The following CD163L1 variants were observed in gnomAD, a reference collection of about 807,000 sequenced individuals.
CD163L1 encodes CD163 molecule like 1, also known as scavenger receptor cysteine-rich type 1 protein M160.
In CD163L1, 124 loss-of-function variants were observed where a neutral mutation model predicts 165.4. That is an observed-to-expected ratio of 0.75 (90% CI 0.65 to 0.87). The LOEUF (loss-of-function observed/expected upper bound fraction) is 0.87, where lower values mean the gene tolerates loss of function less well. Among genes scored for constraint, CD163L1 ranks in the 40% least tolerant of loss-of-function variants. The pLI is 0.00. For synonymous variants in CD163L1, 585 were observed against 662.2 expected (o/e 0.88, Z 1.79); for missense variants, 1,525 against 1,799.9 (o/e 0.85, Z 2.76).
chr12:7,381,590 G>C (rs952558071), intron 8 of CD163L1, among the ~76,000 whole-genome samples: 1 of 152,100 alleles, frequency 6.6e-6, no homozygotes, highest in Non-Finnish European at 1.5e-5. Context: ...ATCATGTGAG[G>C]GTGGTAGATC....
intron 8 of CD163L1, among the ~76,000 whole-genome samples, chr12:7,384,199 G>A (rs141268007): frequency 1.5e-3 from 235 of 151,736 alleles, no homozygotes; most frequent in African/African-American, 3.5e-3. Context: ...GCAGAAGAAA[G>A]AACTGCAGAA....
At chr12:7,322,326 C>A in the CD163L1 span, 1 of 1,558,392 alleles carries the variant, frequency 6.4e-7, no homozygotes, top group Admixed American at 1.7e-5. Flanking sequence ...CCTCTCCTAG[C>A]TGCTATGCTT....
intron 1 of CD163L1, 127 bp downstream of exon 1, chr12:7,443,970 T>A (rs1470834582): frequency 3.4e-6 from 3 of 890,160 alleles, no homozygotes; most frequent in South Asian, 4.6e-5. Flanking sequence ...TCAATTTTTT[T>A]ATATTTCTCA....
chr12:7,364,286 C>T (rs1269987355), intron 18 of CD163L1, among the ~76,000 whole-genome samples: 2 of 152,062 alleles, frequency 1.3e-5, no homozygotes, highest in Non-Finnish European at 2.9e-5. Flanking sequence ...AAGGATCATA[C>T]TTCAACATAA....
chr12:7,348,178 G>A (rs1322865414), intron 4 of CD163L1, among the ~76,000 whole-genome samples: 1 of 152,138 alleles, frequency 6.6e-6, no homozygotes, highest in African/African-American at 2.4e-5. Flanking sequence ...ACATAAGCAG[G>A]CTCTACCATT....
chr12:7,440,084 C>T (rs935261568), intron 2 of CD163L1: 1 of 995,088 alleles, frequency 1.0e-6, no homozygotes, highest in Non-Finnish European at 1.5e-6. Flanking sequence ...ACATCAGCGG[C>T]GTAACGGAAG....
chr12:7,421,731 A>G (rs1181482921), intron 4 of CD163L1, among the ~76,000 whole-genome samples: 11 of 103,954 alleles, frequency 1.1e-4, no homozygotes, highest in South Asian at 1.0e-3. Context: ...GTATATATGT[A>G]TATATGTGTG....
At chr12:7,335,180 C>A in the CD163L1 span, among the ~76,000 whole-genome samples, 1 of 152,176 alleles carries the variant, frequency 6.6e-6, no homozygotes, top group African/African-American at 2.4e-5. Context: ...GCCTGCATCA[C>A]CAAGTCAATC....
exon 5 of CD163L1, chr12:7,346,700 G>A (rs1946672411): frequency 6.6e-6 from 1 of 152,170 alleles, no homozygotes; most frequent in Non-Finnish European, 1.5e-5. Flanking sequence ...GTTTACTACA[G>A]GGAATAATTA....
intron 8 of CD163L1, among the ~76,000 whole-genome samples, chr12:7,394,814 A>C (rs1459839624): frequency 6.6e-6 from 1 of 152,262 alleles, no homozygotes; most frequent in Non-Finnish European, 1.5e-5. Flanking sequence ...AAAAGAAGAC[A>C]TCTATGCATC....
intron 8 of CD163L1, among the ~76,000 whole-genome samples, chr12:7,381,491 T>A (rs1401004077): frequency 6.6e-6 from 1 of 152,214 alleles, no homozygotes; most frequent in African/African-American, 2.4e-5. Flanking sequence ...TAAGCCTATT[T>A]GTTACTCTGT....
intron 18 of CD163L1, among the ~76,000 whole-genome samples, chr12:7,365,134 C>T (rs985559978): frequency 6.6e-6 from 1 of 152,020 alleles, no homozygotes; most frequent in African/African-American, 2.4e-5. Context: ...AGCCAAGCCA[C>T]TCTCTGCAAA....
intron 4 of CD163L1, among the ~76,000 whole-genome samples, chr12:7,413,674 G>A (rs1948181850): frequency 6.6e-6 from 1 of 152,222 alleles, no homozygotes; most frequent in Non-Finnish European, 1.5e-5. Flanking sequence ...TCTGCAAGCA[G>A]CACATGCAAG....
the CD163L1 span, among the ~76,000 whole-genome samples, chr12:7,333,339 C>T: frequency 4.6e-5 from 7 of 152,326 alleles, no homozygotes; most frequent in African/African-American, 1.4e-4. Flanking sequence ...AAGAAACTCA[C>T]TCAAAACCAC....
intron 8 of CD163L1, among the ~76,000 whole-genome samples, chr12:7,384,398 C>T (rs1947472798): frequency 6.6e-6 from 1 of 151,942 alleles, no homozygotes; most frequent in Admixed American, 6.6e-5. Flanking sequence ...TGAAACTTTC[C>T]AGGTTTTAAA....
chr12:7,335,504 A>C, the CD163L1 span, among the ~76,000 whole-genome samples: 1 of 152,226 alleles, frequency 6.6e-6, no homozygotes, highest in Non-Finnish European at 1.5e-5. Context: ...AAGATGGATT[A>C]AATACTTACA....
the CD163L1 span, among the ~76,000 whole-genome samples, chr12:7,332,126 T>C: frequency 6.6e-5 from 10 of 152,216 alleles, no homozygotes; most frequent in Admixed American, 5.9e-4. Context: ...ATGAGAACTA[T>C]GTGACGAATG....
chr12:7,424,278 C>T (rs757460176), intron 4 of CD163L1, among the ~76,000 whole-genome samples: 2 of 67,894 alleles, frequency 2.9e-5, no homozygotes, highest in African/African-American at 1.4e-4. Flanking sequence ...AATTCAACAT[C>T]CCTTCATGGT....
chr12:7,416,088 T>C (rs897729981), intron 4 of CD163L1, among the ~76,000 whole-genome samples: 1 of 152,248 alleles, frequency 6.6e-6, no homozygotes, highest in African/African-American at 2.4e-5. Flanking sequence ...CCAGCATCTG[T>C]TGTTTCCTGA....
Sources: allele counts gnomAD v4.1 joint callset (sites outside exome capture counted in the v4.1 genomes callset), GRCh38; gene constraint gnomAD v4.1.1; transcripts MANE v1.5; gene names NCBI Gene and HGNC (gene_info 2026-07-23, HGNC 2026-07-21).